Variants in CATSPERE observed in about 807,000 individuals in gnomAD.
CATSPERE encodes the protein cation channel sperm-associated auxiliary subunit epsilon.
Under a neutral mutation model 114.1 loss-of-function variants are expected in CATSPERE, and 93 were observed. That is an observed-to-expected ratio of 0.81 (90% CI 0.69 to 0.97). CATSPERE has a LOEUF of 0.97. Ranked by LOEUF, CATSPERE falls within the 50% of genes least tolerant of loss-of-function variation. The pLI, the probability that CATSPERE is intolerant of heterozygous loss-of-function variation, is 0.00. For missense variants in CATSPERE, 1,058 were observed against 1,131.6 expected (o/e 0.93, Z 0.93); for synonymous variants, 341 against 384.1 (o/e 0.89, Z 1.31).
intron 12 of CATSPERE, among the ~76,000 whole-genome samples, chr1:244,583,627 T>A (rs1338847418): frequency 6.6e-6 from 1 of 152,126 alleles, no homozygotes; most frequent in Admixed American, 6.5e-5. Context: ...AACCCTATGG[T>A]GGCCAAAACA....
chr1:244,624,879 G>C (rs1672903809), intron 20 of CATSPERE, among the ~76,000 whole-genome samples: 3 of 151,692 alleles, frequency 2.0e-5, no homozygotes, highest in Admixed American at 2.0e-4. Context: ...GTTTTATCAT[G>C]ACATTGTGGC....
intron 11 of CATSPERE, among the ~76,000 whole-genome samples, chr1:244,576,316 A>T (rs891762807): frequency 2.6e-4 from 39 of 151,962 alleles, no homozygotes; most frequent in Non-Finnish European, 8.8e-5. Context: ...AGGAAAGTGT[A>T]TCCCTGTATG....
At chr1:244,525,480 A>G (rs1678424561) in intron 8 of CATSPERE, among the ~76,000 whole-genome samples, 1 of 118,798 alleles carries the variant, frequency 8.4e-6, no homozygotes, top group African/African-American at 4.6e-5. Flanking sequence ...CCTAAAACTT[A>G]AAGTATAATA....
upstream of CATSPERE, among the ~76,000 whole-genome samples, chr1:244,459,227 C>G (rs1027591875): frequency 2.0e-5 from 3 of 152,024 alleles, no homozygotes; most frequent in African/African-American, 7.2e-5. Context: ...TACAGGCATG[C>G]ATCACCATGC....
chr1:244,484,693 C>G (rs760680415), intron 5 of CATSPERE, among the ~76,000 whole-genome samples: 1 of 152,100 alleles, frequency 6.6e-6, no homozygotes, highest in Non-Finnish European at 1.5e-5. Flanking sequence ...ATTTTTCAGT[C>G]AATATTTATT....
chr1:244,515,363 T>G lies in CATSPERE; in HGVS notation c.430-3229T>G, dbSNP rs1473993781. The stretch of plus-strand genomic sequence containing the variant: ...TTTCATTATTTGTTCAACAAATATT[T>G]ATAAATGCAGGTTTGAGAGGCAAGC... On this transcript the variant is annotated intron_variant, in intron 7 of 21. Transcript: ENST00000366534. 4.1e-6 allele frequency: 4 copies of G among 963,870 alleles called. No homozygotes were observed. The Admixed American group carries it at 2.5e-4, about 59-fold the overall frequency. The allele number at this position is 963,870 out of a possible 1,614,324, so 59.7% of individuals were successfully genotyped here.
In CATSPERE at chr1:244,601,985, A is replaced by G. The variant is rs532799708; in HGVS notation, c.2304-3710A>G. ...AGAGAGAAGGAGGAGAAGGGGAGAA[A>G]GGGAAGGAGAAGAAGGGGAAGGGGA... On this transcript the variant is annotated intron_variant, in intron 17 of 21. Transcript: ENST00000366534. Among the ~76,000 whole-genome samples, 8 of 151,216 alleles carry G rather than the reference A, an allele frequency of 5.3e-5. 1 individual carries two copies. In the South Asian group the frequency reaches 1.5e-3, roughly 28 times the overall value.
intron 11 of CATSPERE, among the ~76,000 whole-genome samples, chr1:244,577,352 T>A (rs1229318394): frequency 6.6e-6 from 1 of 152,106 alleles, no homozygotes; most frequent in Non-Finnish European, 1.5e-5. Context: ...CAACATGGAT[T>A]TAGATTTACA....
At chr1:244,637,244 T>C (rs1674745362) in intron 21 of CATSPERE, among the ~76,000 whole-genome samples, 1 of 152,194 alleles carries the variant, frequency 6.6e-6, no homozygotes, top group African/African-American at 2.4e-5. Flanking sequence ...CAGCCCCAGC[T>C]GTCTGTCCTC....
In CATSPERE at chr1:244,461,351, C is replaced by G. The variant is rs1310807148; in HGVS notation, c.-79C>G. On this transcript the variant is annotated 5_prime_UTR_variant, in exon 1 of 22. Coordinates refer to ENST00000366534, the MANE Select transcript of CATSPERE (RefSeq NM_001130957.2). Reference sequence around the variant, plus strand: ...GGACCCAGGCGCCTGCAGCCGCCCGCCGGGCCGACGTCCCACGGGAATGCG... The same window carrying G: ...GGACCCAGGCGCCTGCAGCCGCCCGGCGGGCCGACGTCCCACGGGAATGCG... 8.1e-7 allele frequency: 1 copy of G among 1,236,894 alleles called. No homozygotes were observed. The highest frequency in any genetic ancestry group is 1.6e-5 in the African/African-American group (1 of 63,860). 76.6% of individuals were successfully genotyped at this position (1,236,894 alleles called of 1,614,324 possible).
intron 7 of CATSPERE, among the ~76,000 whole-genome samples, chr1:244,510,757 G>A (rs1245792167): frequency 7.0e-6 from 1 of 142,762 alleles, no homozygotes; most frequent in Non-Finnish European, 1.5e-5. Flanking sequence ...CCCTTTAGAT[G>A]TAATTATATT....
At chr1:244,595,445 T>G (rs948965761) in intron 17 of CATSPERE, among the ~76,000 whole-genome samples, 2 of 152,100 alleles carry the variant, frequency 1.3e-5, no homozygotes, top group African/African-American at 4.8e-5. Flanking sequence ...AGAGTAATGT[T>G]GAATTCTGCT....
At chr1:244,513,997 G>A (rs963961501) in intron 7 of CATSPERE, among the ~76,000 whole-genome samples, 1 of 152,124 alleles carries the variant, frequency 6.6e-6, no homozygotes, top group East Asian at 1.9e-4. Context: ...GGATATTAAT[G>A]TTTTATGAGA....
chr1:244,551,260 G>A (rs1326600909), intron 8 of CATSPERE, among the ~76,000 whole-genome samples: 1 of 152,198 alleles, frequency 6.6e-6, no homozygotes, highest in Non-Finnish European at 1.5e-5. Context: ...ATCAAAGCAT[G>A]AGATCCTGTA....
chr1:244,605,702 G>C lies in CATSPERE; in HGVS notation c.2311G>C (p.Asp771His). The change falls in exon 18 of 22, where the codon GAT becomes CAT. Residue 771 changes from aspartate to histidine, a missense_variant. By Grantham distance (81) the Asp-to-His change is moderately conservative. Around this residue, in one of 2 missense-constraint regions of CATSPERE, gnomAD observed 787 missense variants for 905.6 expected, o/e 0.87. Transcript: ENST00000366534. ...KFQPVVQLFDDNGYVKDVEAN... is the reference protein window; with the variant it reads ...KFQPVVQLFDHNGYVKDVEAN... ...GTTTGTTGTTTCTTTCAGATTTGAT[G>C]ATAATGGCTATGTTAAAGACGTTGA... is the stretch of plus-strand genomic sequence containing the variant. The C allele has an allele frequency of 6.2e-7, 1 of 1,604,986 alleles. No homozygotes were observed. The highest frequency in any genetic ancestry group is 1.1e-5 in the South Asian group (1 of 90,688).
At position 244,591,013 on chromosome 1, in the gene CATSPERE, G is replaced by A. The variant is rs546912398; in HGVS notation, c.2139-668G>A. On this transcript the variant is annotated intron_variant, in intron 14 of 21. Transcript: ENST00000366534. ...ATGTTTAACTTGTTAAGGAACCTCC[G>A]AGCTGTTTTCCATAGCAGCTGCACT... Among the ~76,000 whole-genome samples, 104 of 152,252 alleles carry A rather than the reference G, an allele frequency of 6.8e-4. 1 individual carries two copies. In the South Asian group the frequency reaches 7.3e-3, roughly 11 times the overall value.
intron 17 of CATSPERE, among the ~76,000 whole-genome samples, chr1:244,595,822 A>G (rs1384106243): frequency 6.6e-6 from 1 of 152,182 alleles, no homozygotes; most frequent in East Asian, 1.9e-4. Flanking sequence ...AGTCCCAGCT[A>G]CTGGGGAGGC....
chr1:244,580,446 G>A (rs553218785), intron 11 of CATSPERE, among the ~76,000 whole-genome samples: 3 of 151,706 alleles, frequency 2.0e-5, no homozygotes, highest in South Asian at 2.1e-4. Context: ...GTAACTTCAC[G>A]GACTAATTAT....
chr1:244,451,493 TCAGGA>T (rs1665598722), upstream of CATSPERE: 1 of 927,848 alleles, frequency 1.1e-6, no homozygotes, highest in Non-Finnish European at 1.6e-6. The surrounding 1 kb of genome is among the most constrained non-coding windows in gnomAD (Gnocchi z 6.6). Flanking sequence ...TAGCCGCAGC[TCAGGA>T]CAGGAGGAGA....
Sources: gnomAD v4.1 joint callset for allele counts (sites outside exome capture counted in the v4.1 genomes callset) on GRCh38, gnomAD v4.1.1 for gene constraint, gnomAD v4.1.1 regional missense constraint, Gnocchi (gnomAD v3.1) non-coding constraint, MANE v1.5 for transcripts, NCBI Gene and HGNC (gene_info 2026-07-23, HGNC 2026-07-21) for gene names.